ROR1: variants seen among roughly 807,000 people sequenced by gnomAD.
ROR1 encodes inactive tyrosine-protein kinase transmembrane receptor ROR1.
A neutral mutation model predicts 78.8 loss-of-function variants in ROR1; 19 were observed. That is an observed-to-expected ratio of 0.24 (90% CI 0.17 to 0.35). The LOEUF is 0.35. Among genes scored for constraint, ROR1 ranks in the 10% least tolerant of loss-of-function variants. The pLI is 1.00. For missense variants in ROR1, 917 were observed against 1,177.8 expected (o/e 0.78, Z 3.24); for synonymous variants, 386 against 433.6 (o/e 0.89, Z 1.36).
chr1:64,048,577 C>T (rs1012992495), intron 2 of ROR1, among the ~76,000 whole-genome samples: 3 of 152,058 alleles, frequency 2.0e-5, no homozygotes, highest in Admixed American at 2.0e-4. Flanking sequence ...AAGCTCCCTA[C>T]CCATGAATAA....
At chr1:64,015,328 A>T (rs576822154) in intron 2 of ROR1, among the ~76,000 whole-genome samples, 8 of 152,300 alleles carry the variant, frequency 5.3e-5, no homozygotes, top group African/African-American at 1.9e-4. Context: ...GCCAACTAGC[A>T]TGTCTATGGG....
At chr1:63,877,308 T>C (rs1429786830) in intron 1 of ROR1, among the ~76,000 whole-genome samples, 1 of 152,140 alleles carries the variant, frequency 6.6e-6, no homozygotes, top group Non-Finnish European at 1.5e-5. Context: ...TCAACATAGA[T>C]TCAGATGTGC....
intron 8 of ROR1, among the ~76,000 whole-genome samples, chr1:64,165,827 C>T (rs932770459): frequency 6.6e-6 from 1 of 151,118 alleles, no homozygotes; most frequent in Non-Finnish European, 1.5e-5. Flanking sequence ...GCCTCAGCCT[C>T]CTGAGTAGCT....
intron 1 of ROR1, among the ~76,000 whole-genome samples, chr1:63,775,053 C>T (rs941941850): frequency 9.9e-5 from 15 of 152,156 alleles, no homozygotes; most frequent in African/African-American, 3.6e-4. Flanking sequence ...GCCCCCGGCC[C>T]TCCGGCCCTC....
chr1:63,786,756 T>G (rs1010099752), intron 1 of ROR1, among the ~76,000 whole-genome samples: 1 of 151,964 alleles, frequency 6.6e-6, no homozygotes, highest in Non-Finnish European at 1.5e-5. Flanking sequence ...TCCCCCAGAC[T>G]CATCAAATAC....
At chr1:64,152,409 A>G (rs540887226) in intron 7 of ROR1, among the ~76,000 whole-genome samples, 105 of 152,212 alleles carry the variant, frequency 6.9e-4, no homozygotes, top group Non-Finnish European at 1.1e-3. Flanking sequence ...GAAGAGGACC[A>G]CGATGTTCTT....
chr1:63,821,564 C>T (rs1336251411), intron 1 of ROR1, among the ~76,000 whole-genome samples: 1 of 152,114 alleles, frequency 6.6e-6, no homozygotes, highest in Non-Finnish European at 1.5e-5. Context: ...ACAACTTTGG[C>T]CCAAAAGGAG....
intron 1 of ROR1, among the ~76,000 whole-genome samples, chr1:63,940,498 C>CAGACAGACAGATAGATAGAT (rs1230477303): frequency 8.0e-5 from 6 of 75,138 alleles, no homozygotes; most frequent in African/African-American, 1.9e-4. Flanking sequence ...GATAGACAGA[C>CAGACAGACAGATAGATAGAT]AGATAGATAG....
At chr1:64,139,690 G>A (rs553405969) in intron 5 of ROR1, among the ~76,000 whole-genome samples, 4 of 152,184 alleles carry the variant, frequency 2.6e-5, no homozygotes, top group Non-Finnish European at 5.9e-5. Context: ...GCAAGACACA[G>A]AACTGGATCC....
intron 2 of ROR1, among the ~76,000 whole-genome samples, chr1:64,011,059 A>T (rs1337453156): frequency 6.6e-6 from 1 of 152,236 alleles, no homozygotes; most frequent in Admixed American, 6.5e-5. Context: ...ATTTTATAAA[A>T]CAGCAATGGG....
intron 4 of ROR1, among the ~76,000 whole-genome samples, chr1:64,116,295 G>A (rs564954397): frequency 6.6e-6 from 1 of 152,296 alleles, no homozygotes; most frequent in South Asian, 2.1e-4. Flanking sequence ...CATCAAACTT[G>A]AAAGGATGGG....
intron 4 of ROR1, among the ~76,000 whole-genome samples, chr1:64,079,116 T>C (rs1647077040): frequency 6.6e-6 from 1 of 152,202 alleles, no homozygotes; most frequent in Non-Finnish European, 1.5e-5. Context: ...ACCTATTCCA[T>C]GCAGCTTCAG....
At chr1:64,076,247 T>C (rs565727564) in intron 4 of ROR1, among the ~76,000 whole-genome samples, 1 of 152,298 alleles carries the variant, frequency 6.6e-6, no homozygotes, top group South Asian at 2.1e-4. Flanking sequence ...TACTTTGAAA[T>C]TGGACCCTTC....
At chr1:63,922,205 T>C (rs1645660834) in intron 1 of ROR1, among the ~76,000 whole-genome samples, 1 of 152,220 alleles carries the variant, frequency 6.6e-6, no homozygotes, top group African/African-American at 2.4e-5. Context: ...TAACATTTAC[T>C]GAGTATTTTA....
In ROR1 at chr1:64,092,132, C is replaced by A. The variant is rs577336542; in HGVS notation, c.482+41416C>A. 2.9e-5 allele frequency among the ~76,000 whole-genome samples: 4 copies of A among 138,984 alleles called. No homozygotes were observed. In the East Asian group the frequency reaches 9.7e-4, roughly 34 times the overall value. 91.2% of individuals were successfully genotyped at this position (138,984 alleles called of 152,430 possible). On this transcript the variant is annotated intron_variant, in intron 4 of 8. Coordinates refer to ENST00000371079, the MANE Select transcript of ROR1 (RefSeq NM_005012.4). ...CCCTCCCTCCCTCCCTTCCTCCCTGCATGCCTCCCTACCTCCCTTCCTCCC... is the reference window on the plus strand; with the variant it reads ...CCCTCCCTCCCTCCCTTCCTCCCTGAATGCCTCCCTACCTCCCTTCCTCCC...
chr1:64,072,949 C>G (rs971234092), intron 4 of ROR1, among the ~76,000 whole-genome samples: 1 of 152,138 alleles, frequency 6.6e-6, no homozygotes, highest in African/African-American at 2.4e-5. Flanking sequence ...AATTCAACCC[C>G]TACTAGAGTA....
At chr1:64,071,600 GAC>G (rs148629663) in intron 4 of ROR1, among the ~76,000 whole-genome samples, 9 of 116,496 alleles carry the variant, frequency 7.7e-5, no homozygotes, top group Non-Finnish European at 9.6e-5. Flanking sequence ...CACACACACA[GAC>G]ACACACACAC....
At chr1:64,132,212 C>T (rs772940953) in intron 4 of ROR1, among the ~76,000 whole-genome samples, 16 of 152,128 alleles carry the variant, frequency 1.1e-4, no homozygotes, top group African/African-American at 3.1e-4. Flanking sequence ...TCTCCCACAT[C>T]GTAACCTGTT....
chr1:64,170,379 G>A (rs1422802195), intron 8 of ROR1, among the ~76,000 whole-genome samples: 1 of 152,208 alleles, frequency 6.6e-6, no homozygotes, highest in Non-Finnish European at 1.5e-5. Context: ...AGCACGAGCT[G>A]TACCTTGACC....
Sources: allele counts gnomAD v4.1 joint callset (sites outside exome capture counted in the v4.1 genomes callset), GRCh38; gene constraint gnomAD v4.1.1; transcripts MANE v1.5; gene names NCBI Gene and HGNC (gene_info 2026-07-23, HGNC 2026-07-21).